CHST14: variants seen among roughly 807,000 people sequenced by gnomAD.
The protein encoded by CHST14 is carbohydrate (N-acetylgalactosamine 4-0) sulfotransferase 14.
CHST14 carries 13 observed loss-of-function variants against 22.7 expected under a neutral mutation model. The ratio of observed to expected loss-of-function variants is 0.57; its 90% confidence interval spans 0.37 to 0.91. The LOEUF (loss-of-function observed/expected upper bound fraction) is 0.91, where lower values mean the gene tolerates loss of function less well. Among genes scored for constraint, CHST14 ranks in the 40% least tolerant of loss-of-function variants. The pLI is 0.01. For synonymous variants in CHST14, 233 were observed against 231.9 expected (o/e 1.00, Z -0.04); for missense variants, 466 against 513.1 (o/e 0.91, Z 0.89).
At position 40,471,870 on chromosome 15, in the gene CHST14, C is replaced by A; in HGVS notation, c.657C>A (p.Leu219=). The A allele has an allele frequency of 6.2e-7, 1 of 1,614,044 alleles. No homozygotes were observed. Among genetic ancestry groups the A allele is most frequent in the Non-Finnish European group, 8.5e-7 (1 of 1,180,044 alleles). ...FLFVREPLER[L]LSAYRNKFGE... ...TTGTGCGGGAGCCCTTGGAACGCCT[C>A]CTCTCTGCCTACCGCAACAAGTTTG... Residue 219 remains leucine (L), a synonymous_variant, in exon 1 of 1, where the codon CTC becomes CTA. Coordinates refer to ENST00000306243, the MANE Select transcript of CHST14 (RefSeq NM_130468.4). The surrounding 1 kb of genome is among the most constrained non-coding windows in gnomAD (Gnocchi z 6.4).
rs1296717070 is a variant in CHST14, at chr15:40,472,547, C to T, written c.*203C>T. On this transcript the variant is annotated 3_prime_UTR_variant, in exon 1 of 1. Transcript: ENST00000306243. ...ACAGGGCTAGGCAGGAGACCTGCTGCTCCTCATTGGGGGGATCTCTTGGGG... is the reference window on the plus strand; with the variant it reads ...ACAGGGCTAGGCAGGAGACCTGCTGTTCCTCATTGGGGGGATCTCTTGGGG... 4 of 605,398 alleles carry T rather than the reference C, an allele frequency of 6.6e-6. No individual in the cohort carries two copies. Among genetic ancestry groups the T allele is most frequent in the Non-Finnish European group, 1.2e-5 (4 of 338,244 alleles). 37.5% of individuals were successfully genotyped at this position (605,398 alleles called of 1,614,324 possible). A position where few individuals can be genotyped will look rare whatever the true frequency, so the allele number is the denominator to read the frequency against.
rs746249841 is a variant in CHST14, at chr15:40,471,979, G to A, written c.766G>A (p.Asp256Asn). Residue 256 changes from aspartate to asparagine, a missense_variant, in exon 1 of 1, where the codon GAC becomes AAC. Coordinates refer to ENST00000306243, the MANE Select transcript of CHST14 (RefSeq NM_130468.4). The surrounding 1 kb of genome is among the most constrained non-coding windows in gnomAD (Gnocchi z 6.4). ...TGGAGCGGGGCCCAGCCCTGCAGGC[G>A]ACGATGTCACATTCCCCGAGTTCCT... ...RAGAGPSPAG[D>N]DVTFPEFLRY... 5 of 1,614,164 alleles carry A rather than the reference G, an allele frequency of 3.1e-6. No individual in the cohort carries two copies. Among genetic ancestry groups the A allele is most frequent in the Middle Eastern group, 3.3e-4 (2 of 6,062 alleles).
rs762133798 is a variant in CHST14, at chr15:40,472,249, G to C, written c.1036G>C (p.Ala346Pro). ...LHYHLCSAPRALLQDVLPKYI... is the reference protein window; with the variant it reads ...LHYHLCSAPRPLLQDVLPKYI... ...TTACCACTTGTGCAGTGCCCCCCGG[G>C]CCCTGCTGCAGGATGTGCTGCCTAA... The change falls in exon 1 of 1, where the codon GCC (alanine) becomes CCC (proline). Residue 346 changes from alanine (A) to proline (P), a missense_variant. Coordinates refer to ENST00000306243, the MANE Select transcript of CHST14 (RefSeq NM_130468.4). 9.2e-5 allele frequency: 149 copies of C among 1,612,862 alleles called. No individual in the cohort carries two copies. The highest frequency in any genetic ancestry group is 1.2e-4 in the Non-Finnish European group (141 of 1,179,142).
rs1194734990 is a variant in CHST14 at position 40,471,609 on chromosome 15, G to T, written c.396G>T (p.Gly132=). The T allele has an allele frequency of 6.2e-7, 1 of 1,612,804 alleles. No homozygotes were observed. The highest frequency in any genetic ancestry group is 2.2e-5 in the East Asian group (1 of 44,854). Residue 132 remains glycine (G), a synonymous_variant, in exon 1 of 1, where the codon GGG becomes GGT. Transcript: ENST00000306243. This position sits in a 1 kb window ranked among gnomAD's most constrained non-coding sequence, Gnocchi z 6.4. ...MPRDPWDLPV[G]QRRTLLRHIL... ...GGGACCCCTGGGACTTGCCGGTGGG[G>T]CAGCGGCGCACCCTGCTGCGCCACA...
At position 40,471,570 on chromosome 15, in the gene CHST14, G is replaced by A. The variant is rs1030451531; in HGVS notation, c.357G>A (p.Gln119=). ...RNRTLRAVCG[Q]PGMPRDPWDL... ...GGACCCTGCGGGCGGTGTGCGGACAGCCAGGCATGCCCCGGGACCCCTGGG... is the reference window on the plus strand; with the variant it reads ...GGACCCTGCGGGCGGTGTGCGGACAACCAGGCATGCCCCGGGACCCCTGGG... Residue 119 remains glutamine, a synonymous_variant, in exon 1 of 1, where the codon CAG becomes CAA. Transcript: ENST00000306243. This position sits in a 1 kb window ranked among gnomAD's most constrained non-coding sequence, Gnocchi z 6.4. The A allele has an allele frequency of 5.0e-6, 8 of 1,608,258 alleles. No homozygotes were observed. The highest frequency in any genetic ancestry group is 6.8e-6 in the Non-Finnish European group (8 of 1,178,480).
In CHST14 at chr15:40,472,710, G is replaced by A. The variant is rs899249367; in HGVS notation, c.*366G>A. ...CAAACTCAGAGATGGTACCAGCCAG[G>A]GGCAAGCATGACCAGAGCCAGGGAC... On this transcript the variant is annotated 3_prime_UTR_variant, in exon 1 of 1. Transcript: ENST00000306243. 2.0e-5 allele frequency: 5 copies of A among 251,242 alleles called. No homozygotes were observed. Among genetic ancestry groups the A allele is most frequent in the Non-Finnish European group, 3.3e-5 (4 of 120,708 alleles). The allele number at this position is 251,242 out of a possible 1,614,324, so 15.6% of individuals were successfully genotyped here. A position where few individuals can be genotyped will look rare whatever the true frequency, so the allele number is the denominator to read the frequency against.
At position 40,472,471 on chromosome 15, in the gene CHST14, C is replaced by T. The variant is rs1894365088; in HGVS notation, c.*127C>T. 6 of 1,137,060 alleles carry T rather than the reference C, an allele frequency of 5.3e-6. No individual in the cohort carries two copies. The highest frequency in any genetic ancestry group is 7.6e-6 in the Non-Finnish European group (6 of 794,370). 70.4% of individuals were successfully genotyped at this position (1,137,060 alleles called of 1,614,324 possible). ...TTCTCAGGATCCTGGATGGCAGAGACTGCCCTCAGAAGTTCCTTGTCCAGG... is the reference window on the plus strand; with the variant it reads ...TTCTCAGGATCCTGGATGGCAGAGATTGCCCTCAGAAGTTCCTTGTCCAGG... On this transcript the variant is annotated 3_prime_UTR_variant, in exon 1 of 1. Transcript: ENST00000306243.
Position 40,471,940 on chromosome 15 carries a change from A to G in CHST14, c.727A>G (p.Arg243Gly). 1 of 1,613,996 alleles carries G rather than the reference A, an allele frequency of 6.2e-7. No individual in the cohort carries two copies. The highest frequency in any genetic ancestry group is 8.5e-7 in the Non-Finnish European group (1 of 1,180,016). ...YQQRYGAEIV[R>G]RYRAGAGPSP... is the part of the protein sequence containing the mutation. ...GCAACGCTATGGGGCTGAGATAGTG[A>G]GGCGGTACAGGGCTGGAGCGGGGCC... is the stretch of plus-strand genomic sequence containing the variant. Residue 243 changes from arginine (R) to glycine (G), a missense_variant, in exon 1 of 1, where the codon AGG becomes GGG. By Grantham distance (125) the Arg-to-Gly change is moderately radical. Transcript: ENST00000306243. The surrounding 1 kb of genome is among the most constrained non-coding windows in gnomAD (Gnocchi z 6.4).
At position 40,472,413 on chromosome 15, in the gene CHST14, A is replaced by G. The variant is rs1213335538; in HGVS notation, c.*69A>G. 1.3e-6 allele frequency: 2 copies of G among 1,505,732 alleles called. No homozygotes were observed. The highest frequency in any genetic ancestry group is 2.8e-5 in the African/African-American group (2 of 71,450). The allele number at this position is 1,505,732 out of a possible 1,614,324, so 93.3% of individuals were successfully genotyped here. A position where few individuals can be genotyped will look rare whatever the true frequency, so the allele number is the denominator to read the frequency against. On this transcript the variant is annotated 3_prime_UTR_variant, in exon 1 of 1. Coordinates refer to ENST00000306243, the MANE Select transcript of CHST14 (RefSeq NM_130468.4). The stretch of plus-strand genomic sequence containing the variant: ...CCAGCTTTCTGTGCTTCTGCCTGTC[A>G]TTCGGAGAAACTCTGGCTCTGGGGC...
chr15:40,472,240 G>A lies in CHST14; in HGVS notation c.1027G>A (p.Ala343Thr). Reference sequence around the variant, plus strand: ...AAGCCTGCATTACCACTTGTGCAGTGCCCCCCGGGCCCTGCTGCAGGATGT... The same window carrying A: ...AAGCCTGCATTACCACTTGTGCAGTACCCCCCGGGCCCTGCTGCAGGATGT... ...PESLHYHLCS[A>T]PRALLQDVLP... The change falls in exon 1 of 1, where the codon GCC (alanine) becomes ACC (threonine). Residue 343 changes from alanine (A) to threonine (T), a missense_variant. Ala to Thr is a moderately conservative substitution (Grantham distance 58). Coordinates refer to ENST00000306243, the MANE Select transcript of CHST14 (RefSeq NM_130468.4). 1.2e-6 allele frequency: 2 copies of A among 1,613,012 alleles called. No homozygotes were observed. Among genetic ancestry groups the A allele is most frequent in the Non-Finnish European group, 1.7e-6 (2 of 1,179,182 alleles).
In CHST14 at chr15:40,471,617, GCACCCTGCTGCGC is replaced by G. The variant is rs1332552749; in HGVS notation, c.408_420del (p.Leu137SerfsTer3). 1.9e-6 allele frequency: 3 copies of G among 1,612,904 alleles called. No homozygotes were observed. The South Asian group carries it at 3.3e-5, about 18-fold the overall frequency. On this transcript the variant is annotated frameshift_variant, in exon 1 of 1. Transcript: ENST00000306243. LOFTEE classifies it high-confidence loss of function. This position sits in a 1 kb window ranked among gnomAD's most constrained non-coding sequence, Gnocchi z 6.4. Reference sequence around the variant, plus strand: ...TGGGACTTGCCGGTGGGGCAGCGGCGCACCCTGCTGCGCCACATCCTCGTAAGTGACCGTTACC... The same window carrying G: ...TGGGACTTGCCGGTGGGGCAGCGGCGCACATCCTCGTAAGTGACCGTTACC...
chr15:40,472,254 G>A lies in CHST14; in HGVS notation c.1041G>A (p.Leu347=). Residue 347 remains leucine (L), a synonymous_variant, in exon 1 of 1, where the codon CTG becomes CTA. Coordinates refer to ENST00000306243, the MANE Select transcript of CHST14 (RefSeq NM_130468.4). ...HYHLCSAPRA[L]LQDVLPKYIL... is the part of the protein sequence containing the mutation. ...ACTTGTGCAGTGCCCCCCGGGCCCT[G>A]CTGCAGGATGTGCTGCCTAAGTATA... is the stretch of plus-strand genomic sequence containing the variant. The A allele has an allele frequency of 6.2e-7, 1 of 1,612,424 alleles. No homozygotes were observed. The highest frequency in any genetic ancestry group is 8.5e-7 in the Non-Finnish European group (1 of 1,178,758).
chr15:40,472,553 A>C lies in CHST14; in HGVS notation c.*209A>C. 1.7e-6 allele frequency: 1 copy of C among 589,648 alleles called. No individual in the cohort carries two copies. The highest frequency in any genetic ancestry group is 2.9e-5 in the East Asian group (1 of 35,082). 36.5% of individuals were successfully genotyped at this position (589,648 alleles called of 1,614,324 possible). A position where few individuals can be genotyped will look rare whatever the true frequency, so the allele number is the denominator to read the frequency against. On this transcript the variant is annotated 3_prime_UTR_variant, in exon 1 of 1. Transcript: ENST00000306243. ...CTAGGCAGGAGACCTGCTGCTCCTC[A>C]TTGGGGGGATCTCTTGGGGGGCAGA... is the stretch of plus-strand genomic sequence containing the variant.
In CHST14 at chr15:40,472,105, T is replaced by A; in HGVS notation, c.892T>A (p.Ser298Thr). The A allele has an allele frequency of 6.2e-7, 1 of 1,614,144 alleles. No individual in the cohort carries two copies. The highest frequency in any genetic ancestry group is 8.5e-7 in the Non-Finnish European group (1 of 1,180,038). ...PCAVHYDFVG[S>T]YERLEADANQ... is the part of the protein sequence containing the mutation. ...TGCCGTGCACTATGACTTTGTGGGCTCCTATGAGAGGCTGGAGGCTGATGC... is the reference window on the plus strand; with the variant it reads ...TGCCGTGCACTATGACTTTGTGGGCACCTATGAGAGGCTGGAGGCTGATGC... Residue 298 changes from serine to threonine, a missense_variant, in exon 1 of 1, where the codon TCC becomes ACC. By Grantham distance (58) the Ser-to-Thr change is moderately conservative. Transcript: ENST00000306243.
At position 40,472,294 on chromosome 15, in the gene CHST14, C is replaced by G. The variant is rs1566969372; in HGVS notation, c.1081C>G (p.Leu361Val). 1.2e-6 allele frequency: 2 copies of G among 1,602,408 alleles called. No individual in the cohort carries two copies. Among genetic ancestry groups the G allele is most frequent in the South Asian group, 2.2e-5 (2 of 89,538 alleles). ...VLPKYILDFS[L>V]FAYPLPNVTK... The stretch of plus-strand genomic sequence containing the variant: ...GCCTAAGTATATCCTGGACTTCTCC[C>G]TCTTTGCCTACCCACTGCCTAATGT... The change falls in exon 1 of 1, where the codon CTC (leucine) becomes GTC (valine). Residue 361 changes from leucine (L) to valine (V), a missense_variant. Leu to Val is a conservative substitution (Grantham distance 32). Coordinates refer to ENST00000306243, the MANE Select transcript of CHST14 (RefSeq NM_130468.4).
Position 40,471,604 on chromosome 15 carries a change from G to C in CHST14, c.391G>C (p.Val131Leu). 2 of 1,612,700 alleles carry C rather than the reference G, an allele frequency of 1.2e-6. No individual in the cohort carries two copies. Among genetic ancestry groups the C allele is most frequent in the Admixed American group, 1.7e-5 (1 of 60,028 alleles). ...GCCCCGGGACCCCTGGGACTTGCCG[G>C]TGGGGCAGCGGCGCACCCTGCTGCG... Reference protein sequence around the residue: ...GMPRDPWDLPVGQRRTLLRHI... With the variant: ...GMPRDPWDLPLGQRRTLLRHI... The change falls in exon 1 of 1, where the codon GTG (valine) becomes CTG (leucine). Residue 131 changes from valine (V) to leucine (L), a missense_variant. Coordinates refer to ENST00000306243, the MANE Select transcript of CHST14 (RefSeq NM_130468.4). The surrounding 1 kb of genome is among the most constrained non-coding windows in gnomAD (Gnocchi z 6.4).
rs1425507901 is a variant in CHST14 at position 40,471,397 on chromosome 15, C to T, written c.184C>T (p.Arg62Trp). 1 of 1,557,294 alleles carries T rather than the reference C, an allele frequency of 6.4e-7. No homozygotes were observed. The highest frequency in any genetic ancestry group is 8.7e-7 in the Non-Finnish European group (1 of 1,155,588). The change falls in exon 1 of 1, where the codon CGG becomes TGG. Residue 62 changes from arginine (R) to tryptophan (W), a missense_variant. Transcript: ENST00000306243. The surrounding 1 kb of genome is among the most constrained non-coding windows in gnomAD (Gnocchi z 6.4). Reference sequence around the variant, plus strand: ...CAGCGGGCTGCTGCTCATGATCGAGCGGGGCATCCTGGCCGAGATGAAGCC... The same window carrying T: ...CAGCGGGCTGCTGCTCATGATCGAGTGGGGCATCCTGGCCGAGATGAAGCC... Reference protein sequence around the residue: ...ASSGLLLMIERGILAEMKPLP... With the variant: ...ASSGLLLMIEWGILAEMKPLP...
chr15:40,471,549 C>A lies in CHST14; in HGVS notation c.336C>A (p.Thr112=), dbSNP rs765811260. 2 of 1,605,780 alleles carry A rather than the reference C, an allele frequency of 1.2e-6. No homozygotes were observed. The highest frequency in any genetic ancestry group is 1.1e-5 in the South Asian group (1 of 90,878). Residue 112 remains threonine (T), a synonymous_variant, in exon 1 of 1, where the codon ACC becomes ACA. Coordinates refer to ENST00000306243, the MANE Select transcript of CHST14 (RefSeq NM_130468.4). The surrounding 1 kb of genome is among the most constrained non-coding windows in gnomAD (Gnocchi z 6.4). ...LQVRQDVRNR[T]LRAVCGQPGM... ...TGCGGCAGGACGTCCGGAACAGGACCCTGCGGGCGGTGTGCGGACAGCCAG... is the reference window on the plus strand; with the variant it reads ...TGCGGCAGGACGTCCGGAACAGGACACTGCGGGCGGTGTGCGGACAGCCAG...
chr15:40,471,739 G>A lies in CHST14; in HGVS notation c.526G>A (p.Val176Met). The change falls in exon 1 of 1, where the codon GTG becomes ATG. Residue 176 changes from valine (V) to methionine (M), a missense_variant. Coordinates refer to ENST00000306243, the MANE Select transcript of CHST14 (RefSeq NM_130468.4). This position sits in a 1 kb window ranked among gnomAD's most constrained non-coding sequence, Gnocchi z 6.4. ...GGTGCTGGCAGGCGTCCTGGACAGC[G>A]TGGACGTCCGCCTCAAGATGGACCA... Reference protein sequence around the residue: ...MKVLAGVLDSVDVRLKMDHRS... With the variant: ...MKVLAGVLDSMDVRLKMDHRS... The A allele has an allele frequency of 6.2e-7, 1 of 1,613,514 alleles. No homozygotes were observed. The highest frequency in any genetic ancestry group is 1.1e-5 in the South Asian group (1 of 91,086).
Sources: allele counts gnomAD v4.1 joint callset, GRCh38; gene constraint gnomAD v4.1.1; non-coding constraint Gnocchi (gnomAD v3.1); transcripts MANE v1.5; gene names NCBI Gene and HGNC (gene_info 2026-07-23, HGNC 2026-07-21).